MYH11: variants seen among roughly 807,000 people sequenced by gnomAD.
MYH11 encodes the protein myosin heavy chain 11, also known as myosin-11.
Under a neutral mutation model 246.6 loss-of-function variants are expected in MYH11, and 80 were observed. That is an observed-to-expected ratio of 0.32 (90% CI 0.27 to 0.39). The LOEUF (loss-of-function observed/expected upper bound fraction) is 0.39, where lower values mean the gene tolerates loss of function less well. Among genes scored for constraint, MYH11 ranks in the 10% least tolerant of loss-of-function variants. MYH11 has a pLI of 1.00. For synonymous variants in MYH11, 1,071 were observed against 1,015.5 expected, an observed-to-expected ratio of 1.05 and a Z score of -1.04; for missense variants, 2,158 against 2,546.8, an observed-to-expected ratio of 0.85 and a Z score of 3.29.
chr16:15,717,367 G>C lies in MYH11; in HGVS notation c.5296-19C>G. The C allele has an allele frequency of 6.2e-7, 1 of 1,602,598 alleles. No homozygotes were observed. The highest frequency in any genetic ancestry group is 8.5e-7 in the Non-Finnish European group (1 of 1,179,800). ...GCTCGGCCTGGGGAGGAGAGTGAAG[G>C]CCATGAGGCGGACTCAGGGAAGCCC... On this transcript the variant is annotated intron_variant, in intron 37 of 40. Coordinates refer to ENST00000300036, the MANE Select transcript of MYH11 (RefSeq NM_002474.3).
At chr16:15,823,470 G>A (rs1430462430) in intron 2 of MYH11, 59 bp from the exon 3 acceptor site, 2 of 1,599,802 alleles carry the variant, frequency 1.3e-6, no homozygotes, top group Non-Finnish European at 1.7e-6. Context: ...AGATTGCACA[G>A]AAGCACTCAA....
In MYH11 at chr16:15,737,538, G is replaced by T. The variant is rs140143700; in HGVS notation, c.3204C>A (p.His1068Gln). Residue 1068 changes from histidine (H) to glutamine (Q), a missense_variant, in exon 25 of 41, where the codon CAC becomes CAA. By Grantham distance (24) the His-to-Gln change is conservative. Coordinates refer to ENST00000300036, the MANE Select transcript of MYH11 (RefSeq NM_002474.3). ...GCGCCTGGAGGTCAGCGATCTGCTC[G>T]TGGAAGTCGCTGGCATCACCCTCCA... ...RKLEGDASDF[H>Q]EQIADLQAQI... 2.5e-6 allele frequency: 4 copies of T among 1,614,018 alleles called. No individual in the cohort carries two copies. The South Asian group carries it at 3.3e-5, about 13-fold the overall frequency.
intron 10 of MYH11, among the ~76,000 whole-genome samples, chr16:15,762,326 T>A (rs2041886475): frequency 6.6e-6 from 1 of 152,180 alleles, no homozygotes; most frequent in African/African-American, 2.4e-5. Flanking sequence ...CAAACCCCCT[T>A]CTTGCCTGGA....
chr16:15,841,922 G>A (rs868141550), intron 1 of MYH11, among the ~76,000 whole-genome samples: 4 of 152,154 alleles, frequency 2.6e-5, no homozygotes, highest in South Asian at 2.1e-4. Context: ...ATCCCACAGC[G>A]ACAGAATAAA....
intron 6 of MYH11, among the ~76,000 whole-genome samples, chr16:15,780,537 A>G (rs1438396564): frequency 1.7e-5 from 2 of 119,866 alleles, no homozygotes; most frequent in Non-Finnish European, 3.2e-5. Flanking sequence ...GTTGGAGTGC[A>G]GTGGTGTGAC....
chr16:15,711,634 G>A (rs563895947), intron 40 of MYH11, among the ~76,000 whole-genome samples: 27 of 152,232 alleles, frequency 1.8e-4, no homozygotes, highest in South Asian at 1.0e-3. Flanking sequence ...AGAATGAAGC[G>A]GGGAAAATAT....
chr16:15,761,888 G>A (rs6498572), intron 10 of MYH11, among the ~76,000 whole-genome samples: 44 of 152,064 alleles, frequency 2.9e-4, no homozygotes, highest in Non-Finnish European at 1.5e-4. Flanking sequence ...CTGACCTAAC[G>A]GACTCCACCT....
chr16:15,759,313 C>T (rs564386120), intron 12 of MYH11, among the ~76,000 whole-genome samples: 51 of 148,648 alleles, frequency 3.4e-4, no homozygotes, highest in Non-Finnish European at 6.1e-4. Context: ...TGGAGGAAGG[C>T]AGAGAGAGAG....
intron 22 of MYH11, 146 bp from the exon 23 acceptor site, chr16:15,740,334 G>A (rs556450532): frequency 6.9e-5 from 89 of 1,282,058 alleles, no homozygotes; most frequent in African/African-American, 2.1e-4. Context: ...AGGCCTGAGC[G>A]TGGTGGCTCA....
At chr16:15,747,308 T>C (rs1444785554) in intron 19 of MYH11, among the ~76,000 whole-genome samples, 1 of 151,964 alleles carries the variant, frequency 6.6e-6, no homozygotes, top group East Asian at 1.9e-4. Context: ...CTCAGAGAGG[T>C]AGAGTAACTT....
Position 15,721,545 on chromosome 16 carries a change from G to A in MYH11, c.4455C>T (p.Ala1485=). Residue 1485 remains alanine (A), a synonymous_variant, in exon 32 of 41, where the codon GCC becomes GCT. Coordinates refer to ENST00000300036, the MANE Select transcript of MYH11 (RefSeq NM_002474.3). ...CTTCAAGGGCCCGAGCCAGGGACAG[G>A]GCCTTGGTTTCCTTCTCCCTGGCTT... ...EAEAREKETK[A]LSLARALEEA... 1 of 1,614,172 alleles carries A rather than the reference G, an allele frequency of 6.2e-7. No individual in the cohort carries two copies. Among genetic ancestry groups the A allele is most frequent in the Middle Eastern group, 1.6e-4 (1 of 6,062 alleles).
chr16:15,767,486 T>G (rs752581202), intron 9 of MYH11, among the ~76,000 whole-genome samples: 1 of 151,338 alleles, frequency 6.6e-6, no homozygotes, highest in Non-Finnish European at 1.5e-5. Flanking sequence ...GTTACATTTA[T>G]TTTTTTTTCC....
At chr16:15,773,524 G>A (rs996800647) in intron 8 of MYH11, among the ~76,000 whole-genome samples, 1 of 151,980 alleles carries the variant, frequency 6.6e-6, no homozygotes, top group African/African-American at 2.4e-5. Flanking sequence ...GACATCAGGT[G>A]ATCCACCCGC....
At chr16:15,706,215 C>G (rs1445356877) in intron 40 of MYH11, among the ~76,000 whole-genome samples, 1 of 152,160 alleles carries the variant, frequency 6.6e-6, no homozygotes, top group African/African-American at 2.4e-5. Flanking sequence ...AGCTTCTGGA[C>G]TTGCAGCCCT....
At chr16:15,796,432 T>C (rs574523564) in intron 4 of MYH11, among the ~76,000 whole-genome samples, 36 of 152,318 alleles carry the variant, frequency 2.4e-4, no homozygotes, top group African/African-American at 8.7e-4. Flanking sequence ...CATAGCTACA[T>C]AGCTAGGAAG....
intron 32 of MYH11, 148 bp downstream of exon 32, chr16:15,721,274 G>A (rs2040463687): frequency 9.7e-7 from 1 of 1,030,484 alleles, no homozygotes; most frequent in East Asian, 2.6e-5. Flanking sequence ...GCCCCTCCCA[G>A]CCCCTGCACC....
At chr16:15,727,742 G>A (rs186549866) in intron 27 of MYH11, among the ~76,000 whole-genome samples, 2 of 152,322 alleles carry the variant, frequency 1.3e-5, no homozygotes, top group East Asian at 1.9e-4. Flanking sequence ...TGGGAAGCAG[G>A]CAGAAGGATC....
chr16:15,794,635 T>C, intron 4 of MYH11, among the ~76,000 whole-genome samples: 1 of 152,200 alleles, frequency 6.6e-6, no homozygotes, highest in South Asian at 2.1e-4. Flanking sequence ...TTGCTACATC[T>C]GGGTGATGTG....
chr16:15,775,799 G>A (rs2042208224), intron 8 of MYH11: 3 of 494,944 alleles, frequency 6.1e-6, no homozygotes, highest in East Asian at 3.5e-5. Context: ...TGGACTTGAT[G>A]CTCTCTGGTC....
Sources: allele counts gnomAD v4.1 joint callset (sites outside exome capture counted in the v4.1 genomes callset), GRCh38; gene constraint gnomAD v4.1.1; transcripts MANE v1.5; gene names NCBI Gene and HGNC (gene_info 2026-07-23, HGNC 2026-07-21).